Variants in YTHDF1 observed in about 807,000 individuals in gnomAD.
The protein encoded by YTHDF1 is YTH N6-methyladenosine RNA binding protein F1.
Under a neutral mutation model 49.1 loss-of-function variants are expected in YTHDF1, and 16 were observed. The ratio of observed to expected loss-of-function variants is 0.33; its 90% CI spans 0.22 to 0.49. YTHDF1 has a LOEUF of 0.49. Ranked by LOEUF, YTHDF1 falls within the 20% of genes least tolerant of loss-of-function variation. The pLI is 0.99. For missense variants in YTHDF1, 621 were observed against 744.3 expected (o/e 0.83, Z 1.93); for synonymous variants, 313 against 290.1 (o/e 1.08, Z -0.80).
Position 63,210,014 on chromosome 20 carries a change from C to A in YTHDF1, c.132+3850G>T, listed in dbSNP as rs184766724. The stretch of plus-strand genomic sequence containing the variant: ...AACAGTCGTTTATCATCAATTATTA[C>A]GTACTGTATGGTACTGTACGTAACT... On this transcript the variant is annotated intron_variant, in intron 3 of 4. Transcript: ENST00000370339. 2.2e-3 allele frequency among the ~76,000 whole-genome samples: 342 copies of A among 152,044 alleles called. 3 individuals are homozygous for A. Among genetic ancestry groups the A allele is most frequent in the Non-Finnish European group, 2.7e-3 (186 of 67,980 alleles).
Position 63,205,226 on chromosome 20 carries a change from C to T in YTHDF1, c.133-1419G>A, listed in dbSNP as rs77825618. ...CTACACTATGAAGGATAACAGCACC[C>T]AGTCGGGGACACCAGGTGGGAAAGT... is the stretch of plus-strand genomic sequence containing the variant. On this transcript the variant is annotated intron_variant, in intron 3 of 4. Coordinates refer to ENST00000370339, the MANE Select transcript of YTHDF1 (RefSeq NM_017798.4). Among the ~76,000 whole-genome samples the T allele has an allele frequency of 7.8e-3, 1,184 of 152,282 alleles. 17 individuals are homozygous for T. Among genetic ancestry groups the T allele is most frequent in the African/African-American group, 0.027 (1,138 of 41,544 alleles).
Position 63,195,655 on chromosome 20 carries a change from G to T in YTHDF1, c.*1053C>A, listed in dbSNP as rs970645799. ...AGGATCCTCTACAAGGGCACGTGCA[G>T]ATCCAGGCGCTGGAGCGTCAGGCAT... On this transcript the variant is annotated 3_prime_UTR_variant, in exon 5 of 5. Transcript: ENST00000370339. 1.3e-5 allele frequency: 2 copies of T among 152,568 alleles called. No individual in the cohort carries two copies. The highest frequency in any genetic ancestry group is 2.4e-5 in the African/African-American group (1 of 41,440). The allele number at this position is 152,568 out of a possible 1,614,324, so 9.5% of individuals were successfully genotyped here.
chr20:63,205,437 C>T (rs1221276750), intron 3 of YTHDF1, among the ~76,000 whole-genome samples: 2 of 152,182 alleles, frequency 1.3e-5, no homozygotes, highest in Non-Finnish European at 2.9e-5. Context: ...ATACTGAGGG[C>T]TTCAGAAATC....
At chr20:63,200,621 G>A (rs774804091) in intron 4 of YTHDF1, among the ~76,000 whole-genome samples, 6 of 152,092 alleles carry the variant, frequency 3.9e-5, no homozygotes, top group Admixed American at 6.6e-5. Context: ...CCTGCAGGCC[G>A]CTTACCAAGA....
intron 2 of YTHDF1, among the ~76,000 whole-genome samples, chr20:63,215,272 G>C (rs1178917421): frequency 2.0e-5 from 3 of 152,174 alleles, no homozygotes; most frequent in African/African-American, 7.2e-5. Context: ...AAAAAGGCAA[G>C]TCGCTCAACC....
rs2066490659 is a variant in YTHDF1 at position 63,195,986 on chromosome 20, G to C, written c.*722C>G. The C allele has an allele frequency of 6.6e-6, 1 of 152,144 alleles. No homozygotes were observed. The highest frequency in any genetic ancestry group is 2.1e-4 in the South Asian group (1 of 4,830). 9.4% of individuals were successfully genotyped at this position (152,144 alleles called of 1,614,324 possible). ...AAAAGATGTGCAAACAACAAAGAAT[G>C]CCCGACCCTGAACCAGACCTAAAGC... On this transcript the variant is annotated 3_prime_UTR_variant, in exon 5 of 5. Transcript: ENST00000370339.
Position 63,196,271 on chromosome 20 carries a change from T to C in YTHDF1, c.*437A>G. 6.5e-6 allele frequency: 1 copy of C among 154,060 alleles called. No homozygotes were observed. The highest frequency in any genetic ancestry group is 1.4e-5 in the Non-Finnish European group (1 of 69,272). The allele number at this position is 154,060 out of a possible 1,614,324, so 9.5% of individuals were successfully genotyped here. A position where few individuals can be genotyped will look rare whatever the true frequency, so the allele number is the denominator to read the frequency against. ...AATGAACAAAAAATCATTAACCTTT[T>C]GATTTCAGTATTTTCAAGAGATTTT... On this transcript the variant is annotated 3_prime_UTR_variant, in exon 5 of 5. Transcript: ENST00000370339.
chr20:63,212,506 G>A (rs963070902), intron 3 of YTHDF1, among the ~76,000 whole-genome samples: 37 of 152,234 alleles, frequency 2.4e-4, no homozygotes, highest in Non-Finnish European at 4.1e-4. Flanking sequence ...CACACGAAAT[G>A]GAGCACTCAG....
At chr20:63,215,403 G>T (rs960696814) in intron 2 of YTHDF1, among the ~76,000 whole-genome samples, 174 bp downstream of exon 2, 1 of 152,178 alleles carries the variant, frequency 6.6e-6, no homozygotes, top group African/African-American at 2.4e-5. Context: ...TTCTTGAGAA[G>T]CCCCTGTCTT....
Position 63,203,695 on chromosome 20 carries a change from G to A in YTHDF1, c.245C>T (p.Pro82Leu). 3.7e-6 allele frequency: 6 copies of A among 1,614,150 alleles called. No individual in the cohort carries two copies. Among genetic ancestry groups the A allele is most frequent in the African/African-American group, 1.3e-5 (1 of 75,022 alleles). The change falls in exon 4 of 5, where the codon CCG becomes CTG. Residue 82 changes from proline to leucine, a missense_variant. By Grantham distance (98) the Pro-to-Leu change is moderately conservative (BLOSUM62 -3). Coordinates refer to ENST00000370339, the MANE Select transcript of YTHDF1 (RefSeq NM_017798.4). The surrounding 1 kb of genome is among the most constrained non-coding windows in gnomAD (Gnocchi z 4.4). Reference protein sequence around the residue: ...EAPWSTAGDPPIPYLTTYGQL... With the variant: ...EAPWSTAGDPLIPYLTTYGQL... Reference sequence around the variant, plus strand: ...TCCGTAGGTGGTGAGGTATGGAATCGGAGGGTCCCCTGCAGTAGACCACGG... The same window carrying A: ...TCCGTAGGTGGTGAGGTATGGAATCAGAGGGTCCCCTGCAGTAGACCACGG...
Position 63,196,470 on chromosome 20 carries a change from A to C in YTHDF1, c.*238T>G, listed in dbSNP as rs1489736777. On this transcript the variant is annotated 3_prime_UTR_variant, in exon 5 of 5. Coordinates refer to ENST00000370339, the MANE Select transcript of YTHDF1 (RefSeq NM_017798.4). ...GGATACTTACATTTCACATTAGATCAGTCTGATTGATAAGCTGACAAAAAA... is the reference window on the plus strand; with the variant it reads ...GGATACTTACATTTCACATTAGATCCGTCTGATTGATAAGCTGACAAAAAA... The C allele has an allele frequency of 2.4e-6, 1 of 423,252 alleles. No homozygotes were observed. Among genetic ancestry groups the C allele is most frequent in the African/African-American group, 2.0e-5 (1 of 48,784 alleles). The allele number at this position is 423,252 out of a possible 1,614,324, so 26.2% of individuals were successfully genotyped here.
rs1024393380 is a variant in YTHDF1 at position 63,216,088 on chromosome 20, C to G, written c.-196G>C. ...AGCGGCGGTGAGCCCGGGACGCGGA[C>G]GCACTGAGGAGGCGTCGACTCCAAT... On this transcript the variant is annotated 5_prime_UTR_variant, in exon 1 of 5. Transcript: ENST00000370339. The G allele has an allele frequency of 4.2e-6, 1 of 240,660 alleles. No individual in the cohort carries two copies. Among genetic ancestry groups the G allele is most frequent in the Non-Finnish European group, 6.7e-6 (1 of 150,018 alleles). The allele number at this position is 240,660 out of a possible 1,614,324, so 14.9% of individuals were successfully genotyped here.
chr20:63,199,651 C>T (rs6090293), intron 4 of YTHDF1, among the ~76,000 whole-genome samples: 45,730 of 152,120 alleles, frequency 0.3, 6,833 homozygotes, highest in Middle Eastern at 0.42. Flanking sequence ...TAGCCCAGCC[C>T]GTTAAGCACA....
Position 63,203,217 on chromosome 20 carries a change from A to C in YTHDF1, c.723T>G (p.Pro241=), listed in dbSNP as rs1181498602. 3 of 1,613,998 alleles carry C rather than the reference A, an allele frequency of 1.9e-6. No individual in the cohort carries two copies. The highest frequency in any genetic ancestry group is 1.1e-5 in the South Asian group (1 of 91,086). Residue 241 remains proline, a synonymous_variant, in exon 4 of 5, where the codon CCT becomes CCG. Transcript: ENST00000370339. The surrounding 1 kb of genome is among the most constrained non-coding windows in gnomAD (Gnocchi z 4.4). ...PTSWAAIASK[P]AKPQPKMKTK... is the part of the protein sequence containing the mutation. The stretch of plus-strand genomic sequence containing the variant: ...TTTTCATTTTAGGCTGTGGTTTTGC[A>C]GGCTTGCTGGCAATGGCAGCCCACG...
At chr20:63,214,229 G>C in intron 2 of YTHDF1, 1 of 602,124 alleles carries the variant, frequency 1.7e-6, no homozygotes, top group South Asian at 7.4e-5. Flanking sequence ...CATAACCAGG[G>C]TGAAAACTGA....
At chr20:63,212,851 C>T (rs938954391) in intron 3 of YTHDF1, among the ~76,000 whole-genome samples, 1 of 152,144 alleles carries the variant, frequency 6.6e-6, no homozygotes, top group Non-Finnish European at 1.5e-5. Context: ...GCCAGGGAGG[C>T]TGCTAAACAT....
rs771230069 is a variant in YTHDF1 at position 63,196,607 on chromosome 20, T to G, written c.*101A>C. 101 of 1,400,760 alleles carry G rather than the reference T, an allele frequency of 7.2e-5. 1 individual carries two copies. Among genetic ancestry groups the G allele is most frequent in the Non-Finnish European group, 9.3e-5 (94 of 1,013,110 alleles). 86.8% of individuals were successfully genotyped at this position (1,400,760 alleles called of 1,614,324 possible). On this transcript the variant is annotated 3_prime_UTR_variant, in exon 5 of 5. Coordinates refer to ENST00000370339, the MANE Select transcript of YTHDF1 (RefSeq NM_017798.4). Reference sequence around the variant, plus strand: ...GACAAGAAAGGCAAAGATGCAACACTCAACCCCCGCACGGGACGACACACT... The same window carrying G: ...GACAAGAAAGGCAAAGATGCAACACGCAACCCCCGCACGGGACGACACACT...
At position 63,215,982 on chromosome 20, in the gene YTHDF1, C is replaced by T; in HGVS notation, c.-90G>A. On this transcript the variant is annotated 5_prime_UTR_variant, in exon 1 of 5. Coordinates refer to ENST00000370339, the MANE Select transcript of YTHDF1 (RefSeq NM_017798.4). ...GCCTGTCACCCTAGCTCGCGCGGCC[C>T]CGGGCCCCGCCGCCAATTCCCCGGG... 8.8e-7 allele frequency: 1 copy of T among 1,132,250 alleles called. No individual in the cohort carries two copies. The highest frequency in any genetic ancestry group is 4.2e-5 in the East Asian group (1 of 24,014). 70.1% of individuals were successfully genotyped at this position (1,132,250 alleles called of 1,614,324 possible).
In YTHDF1 at chr20:63,203,208, T is replaced by C. The variant is rs752449696; in HGVS notation, c.732A>G (p.Pro244=). 3.7e-6 allele frequency: 6 copies of C among 1,613,894 alleles called. No homozygotes were observed. The highest frequency in any genetic ancestry group is 4.2e-6 in the Non-Finnish European group (5 of 1,180,038). The change falls in exon 4 of 5, where the codon CCA becomes CCG. Residue 244 remains proline (P), a synonymous_variant. Transcript: ENST00000370339. The surrounding 1 kb of genome is among the most constrained non-coding windows in gnomAD (Gnocchi z 4.4). ...CGCTCTTTGTTTTCATTTTAGGCTG[T>C]GGTTTTGCAGGCTTGCTGGCAATGG... ...WAAIASKPAK[P]QPKMKTKSGP...
Sources: allele counts gnomAD v4.1 joint callset (sites outside exome capture counted in the v4.1 genomes callset), GRCh38; gene constraint gnomAD v4.1.1; non-coding constraint Gnocchi (gnomAD v3.1); transcripts MANE v1.5; gene names NCBI Gene and HGNC (gene_info 2026-07-23, HGNC 2026-07-21).